The following SHISA9 variants were observed in gnomAD, a reference collection of about 807,000 sequenced individuals.
SHISA9 encodes the protein shisa family member 9.
In SHISA9, 13 loss-of-function variants were observed where a neutral mutation model predicts 38.0. The observed-to-expected ratio is 0.34, with a 90% CI of 0.22 to 0.54. The LOEUF (loss-of-function observed/expected upper bound fraction) is 0.54, where lower values mean the gene tolerates loss of function less well. Among genes scored for constraint, SHISA9 ranks in the 20% least tolerant of loss-of-function variants. The pLI, the probability that SHISA9 is intolerant of heterozygous loss-of-function variation, is 0.91. For missense variants in SHISA9, 538 were observed against 575.8 expected, an observed-to-expected ratio of 0.93 and a Z score of 0.67; for synonymous variants, 275 against 242.0, an observed-to-expected ratio of 1.14 and a Z score of -1.27.
the SHISA9 span, among the ~76,000 whole-genome samples, chr16:13,417,455 G>C: frequency 2.0e-5 from 3 of 152,172 alleles, no homozygotes; most frequent in African/African-American, 7.2e-5. Context: ...CAAGAAATGG[G>C]CAGAGTGAGA....
chr16:12,956,877 G>T (rs141536338), intron 2 of SHISA9, among the ~76,000 whole-genome samples: 1 of 152,100 alleles, frequency 6.6e-6, no homozygotes, highest in African/African-American at 2.4e-5. Context: ...ATGTGTATTT[G>T]TGCATTATTT....
chr16:13,148,466 CAT>C (rs1414883493), intron 2 of SHISA9, among the ~76,000 whole-genome samples: 1 of 152,010 alleles, frequency 6.6e-6, no homozygotes, highest in Non-Finnish European at 1.5e-5. Context: ...ACCCACAAAA[CAT>C]ATATACCTCA....
At chr16:13,278,949 G>T in the SHISA9 span, among the ~76,000 whole-genome samples, 1 of 151,700 alleles carries the variant, frequency 6.6e-6, no homozygotes, top group African/African-American at 2.4e-5. Flanking sequence ...TCTTCTGCTG[G>T]GTTTGGGTTT....
At chr16:12,986,071 A>G (rs1272064902) in intron 2 of SHISA9, among the ~76,000 whole-genome samples, 1 of 151,992 alleles carries the variant, frequency 6.6e-6, no homozygotes, top group Non-Finnish European at 1.5e-5. Flanking sequence ...CTTCCTTTCT[A>G]TGTGCTGTGT....
the SHISA9 span, among the ~76,000 whole-genome samples, chr16:13,369,141 A>C: frequency 2.3e-3 from 348 of 152,346 alleles, no homozygotes; most frequent in African/African-American, 7.9e-3. Context: ...TAATGTGCTC[A>C]GTGTGATTCC....
At chr16:13,260,474 T>C in the SHISA9 span, among the ~76,000 whole-genome samples, 85,953 of 151,920 alleles carry the variant, frequency 0.57, 24,941 homozygotes, top group African/African-American at 0.68. Context: ...AATTATCTTT[T>C]TCAAGTTCAA....
At chr16:12,903,533 A>G (rs1030597329) in intron 1 of SHISA9, among the ~76,000 whole-genome samples, 2 of 151,490 alleles carry the variant, frequency 1.3e-5, no homozygotes, top group African/African-American at 4.9e-5. Context: ...TTTTTATTTT[A>G]AGTGTCTAAA....
chr16:12,952,734 C>G (rs1441565467), intron 2 of SHISA9, among the ~76,000 whole-genome samples: 1 of 152,174 alleles, frequency 6.6e-6, no homozygotes, highest in Admixed American at 6.5e-5. Flanking sequence ...CCTGGCTTCT[C>G]CTTCACCTTC....
At chr16:12,933,220 C>G (rs1256086022) in intron 2 of SHISA9, among the ~76,000 whole-genome samples, 2 of 152,084 alleles carry the variant, frequency 1.3e-5, no homozygotes, top group Admixed American at 1.3e-4. Context: ...TGCATCGAGT[C>G]AGACCACCAT....
At chr16:13,144,089 C>G (rs1472700743) in intron 2 of SHISA9, among the ~76,000 whole-genome samples, 1 of 149,920 alleles carries the variant, frequency 6.7e-6, no homozygotes, top group East Asian at 2.0e-4. Context: ...GATCAAGAAG[C>G]CTTCTGACAG....
At chr16:12,994,666 A>G (rs541786599) in intron 2 of SHISA9, among the ~76,000 whole-genome samples, 4 of 152,328 alleles carry the variant, frequency 2.6e-5, no homozygotes, top group African/African-American at 9.6e-5. Flanking sequence ...GTGGTATCCA[A>G]CCACTAAGAT....
downstream of SHISA9, among the ~76,000 whole-genome samples, chr16:13,240,949 GT>G (rs896037728): frequency 2.0e-5 from 3 of 151,652 alleles, no homozygotes; most frequent in Non-Finnish European, 4.4e-5. Flanking sequence ...CTGGGAGGGG[GT>G]GGGAGGTTCA....
intron 2 of SHISA9, among the ~76,000 whole-genome samples, chr16:13,050,368 G>A (rs775315188): frequency 4.6e-5 from 7 of 151,820 alleles, no homozygotes; most frequent in African/African-American, 7.3e-5. Flanking sequence ...GTCTGGCTCC[G>A]TCACCCAGGC....
chr16:13,214,622 TG>T (rs2142066808), intron 4 of SHISA9, among the ~76,000 whole-genome samples: 1 of 152,312 alleles, frequency 6.6e-6, no homozygotes, highest in East Asian at 1.9e-4. Context: ...TACCCAAGAC[TG>T]GGCAATTTAC....
intron 2 of SHISA9, among the ~76,000 whole-genome samples, chr16:13,176,253 G>GGTATGGCCTTTGATCATTATGTGCCTACA (rs2050730944): frequency 2.0e-5 from 3 of 152,010 alleles, no homozygotes; most frequent in Non-Finnish European, 4.4e-5. Flanking sequence ...GGGGGGTCTA[G>GGTATGGCCTTTGATCATTATGTGCCTACA]GTATGGCCTT....
At chr16:13,337,535 C>T in the SHISA9 span, among the ~76,000 whole-genome samples, 1 of 152,104 alleles carries the variant, frequency 6.6e-6, no homozygotes, top group African/African-American at 2.4e-5. Context: ...TTACCATTCA[C>T]CAGTGAAGTG....
intron 2 of SHISA9, among the ~76,000 whole-genome samples, chr16:12,941,119 A>G (rs1399236274): frequency 6.6e-6 from 1 of 152,148 alleles, no homozygotes; most frequent in Non-Finnish European, 1.5e-5. Flanking sequence ...GGGGAGGCTG[A>G]GGTGTGTGGA....
chr16:13,120,874 T>C (rs918486573), intron 2 of SHISA9, among the ~76,000 whole-genome samples: 6 of 152,192 alleles, frequency 3.9e-5, no homozygotes, highest in East Asian at 3.9e-4. Context: ...CAGCCCATTT[T>C]ACAGGTGGTC....
In SHISA9 at chr16:13,035,381, A is replaced by G. The variant is rs78943581; in HGVS notation, c.691+118566A>G. Among the ~76,000 whole-genome samples, 606 of 152,292 alleles carry G rather than the reference A, an allele frequency of 4.0e-3. 9 individuals carry two copies. Among genetic ancestry groups the G allele is most frequent in the African/African-American group, 0.013 (521 of 41,568 alleles). On this transcript the variant is annotated intron_variant, in intron 2 of 4. Transcript: ENST00000558583. ...ATGGCAGGTCTTTTTCACTCTATCA[A>G]TCTTCCTACATCCCTACAGTGTATC... is the stretch of plus-strand genomic sequence containing the variant.
Sources: gnomAD v4.1 joint callset for allele counts (sites outside exome capture counted in the v4.1 genomes callset) on GRCh38, gnomAD v4.1.1 for gene constraint, MANE v1.5 for transcripts, NCBI Gene and HGNC (gene_info 2026-07-23, HGNC 2026-07-21) for gene names.